LIMK1: variants seen among roughly 807,000 people sequenced by gnomAD.
LIMK1 encodes the protein LIM motif-containing protein kinase.
Under a neutral mutation model 77.6 loss-of-function variants are expected in LIMK1, and 21 were observed. The observed-to-expected ratio is 0.27, with a 90% CI of 0.19 to 0.39. LIMK1 has a LOEUF of 0.39. Among genes scored for constraint, LIMK1 ranks in the 10% least tolerant of loss-of-function variants. LIMK1 has a pLI of 1.00. For missense variants in LIMK1, 696 were observed against 901.6 expected (o/e 0.77, Z 2.92); for synonymous variants, 358 against 370.0 (o/e 0.97, Z 0.37).
intron 2 of LIMK1, among the ~76,000 whole-genome samples, chr7:74,090,674 C>G (rs1487949437): frequency 1.3e-5 from 2 of 152,188 alleles, no homozygotes; most frequent in Non-Finnish European, 2.9e-5. Context: ...GACCTTTGTT[C>G]CAGGGCCCCT....
intron 2 of LIMK1, 98 bp from the exon 3 acceptor site, chr7:74,096,524 G>T: frequency 6.6e-7 from 1 of 1,510,658 alleles, no homozygotes. Context: ...AAGAAAACTT[G>T]TTCTAATTCT....
At chr7:74,090,880 C>A (rs1458874273) in intron 2 of LIMK1, among the ~76,000 whole-genome samples, 3 of 152,142 alleles carry the variant, frequency 2.0e-5, no homozygotes, top group African/African-American at 7.2e-5. Flanking sequence ...GCATTAGGCC[C>A]CTCTCACAAC....
chr7:74,102,646 G>T (rs1393016385), intron 5 of LIMK1, among the ~76,000 whole-genome samples: 1 of 151,310 alleles, frequency 6.6e-6, no homozygotes, highest in African/African-American at 2.4e-5. Flanking sequence ...ACCACGCCTG[G>T]CTAGGCATTC....
At chr7:74,092,970 C>CG in intron 2 of LIMK1, 1 of 506,380 alleles carries the variant, frequency 2.0e-6, no homozygotes, top group East Asian at 3.7e-5. Context: ...GGGCCAGGGA[C>CG]GGGCCACAGG....
chr7:74,118,413 C>T (rs1280909601), intron 13 of LIMK1, among the ~76,000 whole-genome samples: 3 of 148,720 alleles, frequency 2.0e-5, no homozygotes, highest in Non-Finnish European at 4.5e-5. Context: ...CACACACACA[C>T]ACACACACAC....
intron 5 of LIMK1, among the ~76,000 whole-genome samples, chr7:74,102,228 C>T (rs2115685684): frequency 6.6e-6 from 1 of 151,998 alleles, no homozygotes; most frequent in East Asian, 1.9e-4. Context: ...AGAAAATTTG[C>T]TAAAATAATA....
chr7:74,112,824 C>CA (rs879979038), intron 12 of LIMK1, among the ~76,000 whole-genome samples: 112 of 139,948 alleles, frequency 8.0e-4, no homozygotes, highest in South Asian at 1.8e-3. Context: ...GACTCCATCT[C>CA]AAAAAAAAAA....
rs1364758586 is a variant in LIMK1, at chr7:74,115,684, C to T, written c.1411-118C>T. On this transcript the variant is annotated intron_variant, in intron 12 of 15. Coordinates refer to ENST00000336180, the MANE Select transcript of LIMK1 (RefSeq NM_002314.4). ...GGGTCCCCACCCTGTGCCAATACAG[C>T]GTATCAGAGGTATGTTCTCTGGGCT... is the stretch of plus-strand genomic sequence containing the variant. 24 of 1,107,020 alleles carry T rather than the reference C, an allele frequency of 2.2e-5. No individual in the cohort carries two copies. The Admixed American group carries it at 2.6e-4, about 12-fold the overall frequency. 68.6% of individuals were successfully genotyped at this position (1,107,020 alleles called of 1,614,324 possible). A position where few individuals can be genotyped will look rare whatever the true frequency, so the allele number is the denominator to read the frequency against.
chr7:74,104,012 C>G (rs782547567), intron 5 of LIMK1, among the ~76,000 whole-genome samples: 1 of 151,966 alleles, frequency 6.6e-6, no homozygotes, highest in African/African-American at 2.4e-5. Context: ...AGGCTGGTCT[C>G]GAACTCCTGA....
intron 13 of LIMK1, among the ~76,000 whole-genome samples, chr7:74,120,039 T>G (rs1584135828): frequency 6.6e-6 from 1 of 152,128 alleles, no homozygotes; most frequent in East Asian, 1.9e-4. Flanking sequence ...ACCTTCTGGT[T>G]GTTTTGCATT....
chr7:74,115,105 G>T (rs1799780447), intron 12 of LIMK1, among the ~76,000 whole-genome samples: 1 of 151,692 alleles, frequency 6.6e-6, no homozygotes, highest in Admixed American at 6.6e-5. Flanking sequence ...GGCATGCCAA[G>T]CACAGGACCT....
intron 3 of LIMK1, 115 bp downstream of exon 3, chr7:74,096,875 G>C (rs1799346749): frequency 2.2e-6 from 3 of 1,350,732 alleles, no homozygotes; most frequent in Non-Finnish European, 3.0e-6. Flanking sequence ...CTGGTCTTTG[G>C]AGCTGCTTTC....
rs1347043256 is a variant in LIMK1 at position 74,108,014 on chromosome 7, C to T, written c.1152+57C>T. Reference sequence around the variant, plus strand: ...AGGGACTTCCAGGTGCTCACCCCTGCCCCATCAACACAGGTCGGAAAAGGG... The same window carrying T: ...AGGGACTTCCAGGTGCTCACCCCTGTCCCATCAACACAGGTCGGAAAAGGG... On this transcript the variant is annotated intron_variant, in intron 9 of 15. Coordinates refer to ENST00000336180, the MANE Select transcript of LIMK1 (RefSeq NM_002314.4). 3.9e-6 allele frequency: 5 copies of T among 1,290,218 alleles called. No individual in the cohort carries two copies. The Admixed American group carries it at 9.9e-5, about 26-fold the overall frequency. 79.9% of individuals were successfully genotyped at this position (1,290,218 alleles called of 1,614,324 possible). A position where few individuals can be genotyped will look rare whatever the true frequency, so the allele number is the denominator to read the frequency against.
At chr7:74,108,787 G>T in intron 9 of LIMK1, 118 bp from the exon 10 acceptor site, 1 of 1,471,312 alleles carries the variant, frequency 6.8e-7, no homozygotes, top group Non-Finnish European at 9.0e-7. Context: ...AGGGGAGCTG[G>T]GGGTTCCGTA....
At position 74,113,608 on chromosome 7, in the gene LIMK1, G is replaced by A. The variant is rs550961948; in HGVS notation, c.1410+1610G>A. Among the ~76,000 whole-genome samples, 373 of 151,858 alleles carry A rather than the reference G, an allele frequency of 2.5e-3. 1 individual carries two copies. The Middle Eastern group carries it at 0.037, about 15-fold the overall frequency. On this transcript the variant is annotated intron_variant, in intron 12 of 15. Transcript: ENST00000336180. ...CCACTGCACTCCAGCCTGGGTGATAGAGTCAGACACCGTCTCAAAAAAAAA... is the reference window on the plus strand; with the variant it reads ...CCACTGCACTCCAGCCTGGGTGATAAAGTCAGACACCGTCTCAAAAAAAAA...
intron 4 of LIMK1, 25 bp from the exon 5 acceptor site, chr7:74,099,007 C>A: frequency 6.3e-7 from 1 of 1,587,282 alleles, no homozygotes; most frequent in Non-Finnish European, 8.6e-7. Context: ...ACACTCTTTT[C>A]TTCCCACCCC....
chr7:74,104,564 G>A (rs921283829), intron 5 of LIMK1, among the ~76,000 whole-genome samples: 3 of 151,692 alleles, frequency 2.0e-5, no homozygotes, highest in Admixed American at 1.3e-4. Flanking sequence ...GGCGGAAGTT[G>A]CAATGAGCCG....
At chr7:74,091,086 T>TTTTG (rs1300169899) in intron 2 of LIMK1, among the ~76,000 whole-genome samples, 1 of 151,990 alleles carries the variant, frequency 6.6e-6, no homozygotes, top group Non-Finnish European at 1.5e-5. Context: ...GCTAATTTTT[T>TTTTG]TTTGTTTGTT....
intron 4 of LIMK1, among the ~76,000 whole-genome samples, chr7:74,098,732 TA>T (rs3216779): frequency 0.72 from 108,334 of 151,458 alleles, 39,950 homozygotes; most frequent in Middle Eastern, 0.88. Flanking sequence ...TAATCCCAGC[TA>T]CTCAGGAGGC....
Sources: gnomAD v4.1 joint callset for allele counts (sites outside exome capture counted in the v4.1 genomes callset) on GRCh38, gnomAD v4.1.1 for gene constraint, MANE v1.5 for transcripts, NCBI Gene and HGNC (gene_info 2026-07-23, HGNC 2026-07-21) for gene names.